Variants in CPED1 observed in about 807,000 individuals in gnomAD.
CPED1 encodes cadherin like and PC-esterase domain containing 1.
In CPED1, 114 loss-of-function variants were observed where a neutral mutation model predicts 128.2. The ratio of observed to expected loss-of-function variants is 0.89; its 90% CI spans 0.76 to 1.04. CPED1 has a LOEUF of 1.04. Among genes scored for constraint, CPED1 ranks in the 50% least tolerant of loss-of-function variants. The pLI is 0.00. For missense variants in CPED1, 1,211 were observed against 1,207.1 expected (o/e 1.00, Z -0.05); for synonymous variants, 462 against 426.7 (o/e 1.08, Z -1.02).
chr7:121,236,863 A>G, intron 17 of CPED1, 32 bp downstream of exon 17: 1 of 1,203,738 alleles, frequency 8.3e-7, no homozygotes, highest in Middle Eastern at 2.0e-4. Context: ...ACTTCTCTAA[A>G]AAAAGAATAA....
intron 2 of CPED1, among the ~76,000 whole-genome samples, chr7:121,002,756 T>C (rs1194472755): frequency 6.6e-6 from 1 of 152,192 alleles, no homozygotes; most frequent in Non-Finnish European, 1.5e-5. Flanking sequence ...TTTGCGGAAA[T>C]ATATTCTGTC....
intron 21 of CPED1, among the ~76,000 whole-genome samples, chr7:121,271,073 T>C (rs981329577): frequency 2.0e-5 from 3 of 152,116 alleles, no homozygotes; most frequent in African/African-American, 4.8e-5. Context: ...TCACTGTAGA[T>C]ATTGCTGTTT....
At chr7:121,186,550 G>C (rs1363007809) in intron 16 of CPED1, among the ~76,000 whole-genome samples, 1 of 151,938 alleles carries the variant, frequency 6.6e-6, no homozygotes, top group Non-Finnish European at 1.5e-5. Context: ...AACACATAGG[G>C]CACTATACAC....
At chr7:121,225,140 C>T (rs1388803360) in intron 16 of CPED1, among the ~76,000 whole-genome samples, 1 of 152,062 alleles carries the variant, frequency 6.6e-6, no homozygotes, top group Non-Finnish European at 1.5e-5. Context: ...TTTAGTGCTT[C>T]CTTCAGGAGC....
At chr7:121,157,786 G>A (rs934838534) in intron 16 of CPED1, among the ~76,000 whole-genome samples, 3 of 152,076 alleles carry the variant, frequency 2.0e-5, no homozygotes, top group Admixed American at 6.6e-5. Flanking sequence ...ACCTAGACAC[G>A]GTTCTTGAGT....
intron 2 of CPED1, among the ~76,000 whole-genome samples, chr7:121,005,645 T>C (rs975417343): frequency 3.9e-5 from 6 of 152,176 alleles, no homozygotes; most frequent in Middle Eastern, 3.4e-3. Context: ...ACTTAAAGTA[T>C]AATAAAAAAA....
chr7:121,261,441 C>G (rs1034899168), intron 18 of CPED1, among the ~76,000 whole-genome samples: 1 of 152,080 alleles, frequency 6.6e-6, no homozygotes, highest in Admixed American at 6.6e-5. Context: ...TAGAGAATAA[C>G]TAAGCAGTCA....
chr7:121,131,221 A>T (rs1216639825), intron 12 of CPED1, among the ~76,000 whole-genome samples: 3 of 152,126 alleles, frequency 2.0e-5, no homozygotes, highest in Admixed American at 6.6e-5. Context: ...AATTTGAATA[A>T]TCATATATTT....
intron 2 of CPED1, among the ~76,000 whole-genome samples, chr7:120,997,790 C>T (rs41698): frequency 0.074 from 11,164 of 151,784 alleles, 572 homozygotes; most frequent in Non-Finnish European, 0.1. Flanking sequence ...GGCATGGTGG[C>T]GGGCACCTGT....
At chr7:121,189,760 TTATATATATATATATATATATATATA>T (rs377035175) in intron 16 of CPED1, among the ~76,000 whole-genome samples, 3 of 47,468 alleles carry the variant, frequency 6.3e-5, no homozygotes, top group African/African-American at 8.1e-5. Context: ...TTATGAGGTT[TTATATATATATATATATATATATATA>T]TATATATATA....
chr7:121,178,597 A>G (rs1037678569), intron 16 of CPED1, among the ~76,000 whole-genome samples: 3 of 152,178 alleles, frequency 2.0e-5, no homozygotes, highest in Middle Eastern at 6.8e-3. Flanking sequence ...CTACACTACA[A>G]TGGCAAAGTA....
intron 16 of CPED1, among the ~76,000 whole-genome samples, chr7:121,153,133 A>G (rs921687452): frequency 4.6e-5 from 7 of 152,200 alleles, no homozygotes; most frequent in African/African-American, 1.7e-4. Context: ...TGCTGTTTTA[A>G]TAAATTAGTA....
chr7:121,007,812 C>G (rs1792061988), intron 2 of CPED1, among the ~76,000 whole-genome samples: 1 of 151,888 alleles, frequency 6.6e-6, no homozygotes, highest in Non-Finnish European at 1.5e-5. Flanking sequence ...TCTCTTTGCT[C>G]TTTCTACACC....
At chr7:121,030,462 T>C (rs1047377248) in intron 3 of CPED1, among the ~76,000 whole-genome samples, 3 of 152,216 alleles carry the variant, frequency 2.0e-5, no homozygotes, top group African/African-American at 7.2e-5. Context: ...AATCTCAAGC[T>C]GTCTAACTCT....
At chr7:121,091,292 A>G (rs569766854) in intron 5 of CPED1, among the ~76,000 whole-genome samples, 1 of 152,324 alleles carries the variant, frequency 6.6e-6, no homozygotes, top group East Asian at 1.9e-4. Context: ...TTCCTGGGAT[A>G]CTGCAATGCA....
intron 3 of CPED1, among the ~76,000 whole-genome samples, chr7:121,041,361 C>A (rs1360775128): frequency 7.5e-6 from 1 of 133,026 alleles, no homozygotes; most frequent in African/African-American, 2.8e-5. Context: ...ATTGGGGGAA[C>A]CATAATAAAC....
intron 9 of CPED1, 54 bp from the exon 10 acceptor site, chr7:121,127,036 T>A: frequency 7.7e-7 from 1 of 1,293,296 alleles, no homozygotes; most frequent in South Asian, 1.5e-5. Flanking sequence ...GTAATTCCAT[T>A]GTCTTAAAAG....
intron 16 of CPED1, among the ~76,000 whole-genome samples, chr7:121,161,870 G>A (rs1003850900): frequency 1.3e-5 from 2 of 152,164 alleles, no homozygotes; most frequent in African/African-American, 4.8e-5. Context: ...CAGGATAGTA[G>A]CAGTTATTCA....
intron 16 of CPED1, among the ~76,000 whole-genome samples, chr7:121,143,381 T>A (rs1317660127): frequency 6.6e-6 from 1 of 151,998 alleles, no homozygotes; most frequent in African/African-American, 2.4e-5. Flanking sequence ...ATAGTGTGTT[T>A]CATTTCCAAA....
Sources: gnomAD v4.1 joint callset for allele counts (sites outside exome capture counted in the v4.1 genomes callset) on GRCh38, gnomAD v4.1.1 for gene constraint, MANE v1.5 for transcripts, NCBI Gene and HGNC (gene_info 2026-07-23, HGNC 2026-07-21) for gene names.